CNTNAP4: variants seen among roughly 807,000 people sequenced by gnomAD.
CNTNAP4 encodes contactin-associated protein-like 4.
Under a neutral mutation model 148.4 loss-of-function variants are expected in CNTNAP4, and 98 were observed. The observed-to-expected ratio is 0.66, with a 90% confidence interval of 0.56 to 0.78. CNTNAP4 has a LOEUF of 0.78. CNTNAP4 is among the 30% of genes least tolerant of loss of function. The probability of loss-of-function intolerance (pLI) is 0.00; values close to 1 mark genes in which losing one functional copy is unlikely to be tolerated. For synonymous variants in CNTNAP4, 730 were observed against 565.1 expected (o/e 1.29, Z -4.14); for missense variants, 1,935 against 1,565.6 (o/e 1.24, Z -3.98).
chr16:76,453,850 G>A (rs2080616839), intron 8 of CNTNAP4, among the ~76,000 whole-genome samples: 1 of 152,060 alleles, frequency 6.6e-6, no homozygotes, highest in Non-Finnish European at 1.5e-5. Flanking sequence ...ACTATGCTGT[G>A]ACTTTTTATT....
chr16:76,514,044 C>G (rs1243414144), intron 15 of CNTNAP4, among the ~76,000 whole-genome samples: 1 of 152,088 alleles, frequency 6.6e-6, no homozygotes, highest in Non-Finnish European at 1.5e-5. Context: ...TTGGATTGAC[C>G]AGATTTACCT....
At chr16:76,538,499 AT>A (rs1266216182) in intron 19 of CNTNAP4, among the ~76,000 whole-genome samples, 159 bp downstream of exon 19, 9 of 152,054 alleles carry the variant, frequency 5.9e-5, no homozygotes, top group Non-Finnish European at 1.3e-4. Context: ...TATAAGTATA[AT>A]CTAAAAGGAT....
chr16:76,432,852 G>T (rs1421152246), intron 4 of CNTNAP4, among the ~76,000 whole-genome samples: 1 of 152,060 alleles, frequency 6.6e-6, no homozygotes, highest in African/African-American at 2.4e-5. Context: ...CAACTGTCAA[G>T]CCATACTCAA....
chr16:76,452,804 A>C, intron 8 of CNTNAP4, 35 bp downstream of exon 8: 1 of 1,482,776 alleles, frequency 6.7e-7, no homozygotes, highest in Non-Finnish European at 9.0e-7. Context: ...AAGCATATGG[A>C]TTTGAAAGAT....
At position 76,498,484 on chromosome 16, in the gene CNTNAP4, T is replaced by C; in HGVS notation, c.2238-83T>C. On this transcript the variant is annotated intron_variant, in intron 14 of 23. Coordinates refer to ENST00000611870, the MANE Select transcript of CNTNAP4 (RefSeq NM_033401.5). Reference sequence around the variant, plus strand: ...TCCATACTCTTTTGTAGGTGCAAATTTAGTTCAGAACATCTTGGTTTTGCA... The same window carrying C: ...TCCATACTCTTTTGTAGGTGCAAATCTAGTTCAGAACATCTTGGTTTTGCA... 6 of 1,213,252 alleles carry C rather than the reference T, an allele frequency of 4.9e-6. No individual in the cohort carries two copies. The South Asian group carries it at 9.6e-5, about 19-fold the overall frequency. 75.2% of individuals were successfully genotyped at this position (1,213,252 alleles called of 1,614,324 possible).
At chr16:76,514,271 T>TTATATA (rs1404929368) in intron 15 of CNTNAP4, among the ~76,000 whole-genome samples, 1 of 152,168 alleles carries the variant, frequency 6.6e-6, no homozygotes, top group Non-Finnish European at 1.5e-5. Context: ...ATTTACTATT[T>TTATATA]TATATATTCT....
chr16:76,379,520 C>T (rs1011808131), intron 3 of CNTNAP4, among the ~76,000 whole-genome samples: 1 of 152,076 alleles, frequency 6.6e-6, no homozygotes, highest in African/African-American at 2.4e-5. Flanking sequence ...ACTACTCTTT[C>T]TCTAACTGAT....
chr16:76,463,200 A>G (rs1260520157), intron 9 of CNTNAP4, among the ~76,000 whole-genome samples: 1 of 152,226 alleles, frequency 6.6e-6, no homozygotes, highest in Non-Finnish European at 1.5e-5. Flanking sequence ...ACATTCTTTT[A>G]ATAAATAGTA....
intron 15 of CNTNAP4, among the ~76,000 whole-genome samples, chr16:76,501,951 C>G (rs1030780179): frequency 2.6e-5 from 4 of 151,402 alleles, no homozygotes; most frequent in African/African-American, 9.7e-5. Flanking sequence ...CGCCTGTAGT[C>G]CCAGCTACTT....
intron 23 of CNTNAP4, among the ~76,000 whole-genome samples, chr16:76,556,414 C>T (rs796605222): frequency 3.3e-5 from 5 of 152,232 alleles, no homozygotes; most frequent in African/African-American, 1.2e-4. Flanking sequence ...TTGAGCACAA[C>T]AAATCCTGAC....
chr16:76,522,850 C>T (rs2083548161), intron 17 of CNTNAP4, among the ~76,000 whole-genome samples: 1 of 151,220 alleles, frequency 6.6e-6, no homozygotes, highest in South Asian at 2.1e-4. Context: ...GCAACCTCCG[C>T]CCCCAGGGTT....
intron 1 of CNTNAP4, among the ~76,000 whole-genome samples, chr16:76,292,135 A>G (rs12929147): frequency 0.28 from 42,448 of 152,050 alleles, 7,243 homozygotes; most frequent in Non-Finnish European, 0.39. Context: ...TCTCTAATAT[A>G]ACGGTATCTT....
chr16:76,369,499 G>A (rs759526080), intron 3 of CNTNAP4, among the ~76,000 whole-genome samples: 2 of 152,156 alleles, frequency 1.3e-5, no homozygotes, highest in South Asian at 4.1e-4. Context: ...GAAGACCCAA[G>A]GACCAGAAGC....
At chr16:76,406,486 A>G (rs568215421) in intron 3 of CNTNAP4, among the ~76,000 whole-genome samples, 3 of 152,250 alleles carry the variant, frequency 2.0e-5, no homozygotes, top group East Asian at 3.9e-4. Context: ...TAAGTCAAAA[A>G]CTAGAAATGA....
intron 1 of CNTNAP4, among the ~76,000 whole-genome samples, chr16:76,302,480 C>G (rs1056592905): frequency 3.3e-5 from 5 of 152,106 alleles, no homozygotes; most frequent in African/African-American, 4.8e-5. Flanking sequence ...CTTTCTATAA[C>G]ACGGTGATTT....
At chr16:76,418,689 G>A (rs75477903) in intron 3 of CNTNAP4, among the ~76,000 whole-genome samples, 1,898 of 149,538 alleles carry the variant, frequency 0.013, 44 homozygotes, top group African/African-American at 0.045. Context: ...GCATATTTGA[G>A]TCTTGTTCTG....
chr16:76,280,967 G>C (rs1338168508), intron 1 of CNTNAP4, among the ~76,000 whole-genome samples: 1 of 152,004 alleles, frequency 6.6e-6, no homozygotes, highest in East Asian at 1.9e-4. Flanking sequence ...TCTAGTTACT[G>C]GTATACTGAG....
chr16:76,365,751 CAA>C (rs35586454), intron 3 of CNTNAP4, among the ~76,000 whole-genome samples: 2 of 100,052 alleles, frequency 2.0e-5, no homozygotes, highest in Non-Finnish European at 4.1e-5. Context: ...GACTCCGTCT[CAA>C]AAAAAAAAAA....
chr16:76,372,760 A>G (rs541240670), intron 3 of CNTNAP4, among the ~76,000 whole-genome samples: 1 of 152,312 alleles, frequency 6.6e-6, no homozygotes, highest in East Asian at 1.9e-4. Context: ...GTCTTTATCA[A>G]CAGCATGAAA....
Sources: gnomAD v4.1 joint callset for allele counts (sites outside exome capture counted in the v4.1 genomes callset) on GRCh38, gnomAD v4.1.1 for gene constraint, MANE v1.5 for transcripts, NCBI Gene and HGNC (gene_info 2026-07-23, HGNC 2026-07-21) for gene names.